The following GDAP1 variants were observed in gnomAD, a reference collection of about 807,000 sequenced individuals.
GDAP1 encodes ganglioside induced differentiation associated protein 1.
Under a neutral mutation model 40.1 loss-of-function variants are expected in GDAP1, and 34 were observed. The ratio of observed to expected loss-of-function variants is 0.85; its 90% CI spans 0.64 to 1.13. The LOEUF is 1.13. Ranked by LOEUF, GDAP1 falls within the 50% of genes most tolerant of loss-of-function variation. GDAP1 has a pLI of 0.00. For synonymous variants in GDAP1, 170 were observed against 157.4 expected (o/e 1.08, Z -0.60); for missense variants, 374 against 433.7 (o/e 0.86, Z 1.22).
At chr8:74,403,210 A>G (rs1805584467) in intron 2 of GDAP1, among the ~76,000 whole-genome samples, 1 of 150,184 alleles carries the variant, frequency 6.7e-6, no homozygotes, top group Non-Finnish European at 1.5e-5. Flanking sequence ...CTGGGTTTTT[A>G]AAAATGATAT....
chr8:74,438,894 G>C (rs1806125632), intron 2 of GDAP1, among the ~76,000 whole-genome samples: 2 of 152,130 alleles, frequency 1.3e-5, no homozygotes. Context: ...GAGCCACTGG[G>C]TGCAGTCTGA....
chr8:74,357,733 T>G (rs2131508467), intron 2 of GDAP1, among the ~76,000 whole-genome samples: 1 of 152,304 alleles, frequency 6.6e-6, no homozygotes, highest in East Asian at 1.9e-4. Context: ...GGACCTCCTC[T>G]CATTGCCTGC....
Position 74,364,124 on chromosome 8 carries a change from C to T in GDAP1, c.834C>T (p.Thr278=). 1 of 1,614,132 alleles carries T rather than the reference C, an allele frequency of 6.2e-7. No individual in the cohort carries two copies. ...WGNGKRPNLE[T]YYERVLKRKT... is the part of the protein sequence containing the mutation. The stretch of plus-strand genomic sequence containing the variant: ...ACGGAAAGCGACCAAACTTGGAAAC[C>T]TATTACGAGCGTGTCTTGAAGAGAA... Residue 278 remains threonine (T), a synonymous_variant, in exon 6 of 6, where the codon ACC becomes ACT. Coordinates refer to ENST00000220822, the MANE Select transcript of GDAP1 (RefSeq NM_018972.4).
In GDAP1 at chr8:74,469,738, G is replaced by A. The variant is rs548409450; in HGVS notation, c.166-18940G>A. On this transcript the variant is annotated intron_variant, in intron 2 of 2. Transcript: ENST00000523640. ...TGCTTGTAATCCCAGCACTTTGGGA[G>A]GCTGAGGTGGGCGGATCACCTGAGG... Among the ~76,000 whole-genome samples, 6 of 151,740 alleles carry A rather than the reference G, an allele frequency of 4.0e-5. No individual in the cohort carries two copies. In the East Asian group the frequency reaches 1.2e-3, roughly 30 times the overall value.
In GDAP1 at chr8:74,350,547, A is replaced by G. The variant is rs1563437000; in HGVS notation, c.86A>G (p.Tyr29Cys). Residue 29 changes from tyrosine to cysteine, a missense_variant, in exon 1 of 6, where the codon TAC (tyrosine) becomes TGC (cysteine). Coordinates refer to ENST00000220822, the MANE Select transcript of GDAP1 (RefSeq NM_018972.4). ...GACGCGGAGGTTAAGCTCATTCTGTACCATTGGACGCATTCCTTCAGCTCT... is the reference window on the plus strand; with the variant it reads ...GACGCGGAGGTTAAGCTCATTCTGTGCCATTGGACGCATTCCTTCAGCTCT... ...KADAEVKLIL[Y>C]HWTHSFSSQK... 6.2e-7 allele frequency: 1 copy of G among 1,610,816 alleles called. No homozygotes were observed. The highest frequency in any genetic ancestry group is 8.5e-7 in the Non-Finnish European group (1 of 1,177,004).
At chr8:74,403,625 T>C (rs2131550472) in intron 2 of GDAP1, among the ~76,000 whole-genome samples, 1 of 150,414 alleles carries the variant, frequency 6.6e-6, no homozygotes, top group South Asian at 2.1e-4. Flanking sequence ...TAAAAGTATA[T>C]GGATTATGGT....
intron 2 of GDAP1, chr8:74,376,563 G>C (rs12542469): frequency 6.6e-6 from 1 of 151,656 alleles, no homozygotes; most frequent in Non-Finnish European, 1.5e-5. Context: ...GTTAGCTAGG[G>C]TGGTCTCGAT....
At chr8:74,356,706 A>G (rs1236496015) in intron 2 of GDAP1, among the ~76,000 whole-genome samples, 15 of 67,194 alleles carry the variant, frequency 2.2e-4, no homozygotes, top group East Asian at 7.8e-4. Flanking sequence ...GTGTGTGTAT[A>G]TATATATATA....
At chr8:74,392,764 A>C (rs1810132593) in intron 2 of GDAP1, among the ~76,000 whole-genome samples, 1 of 152,228 alleles carries the variant, frequency 6.6e-6, no homozygotes, top group Admixed American at 6.5e-5. Context: ...CACAAATCTC[A>C]GTTTTCCCCA....
intron 2 of GDAP1, among the ~76,000 whole-genome samples, chr8:74,392,586 A>G (rs1363438706): frequency 6.6e-6 from 1 of 152,190 alleles, no homozygotes; most frequent in Non-Finnish European, 1.5e-5. Context: ...GAGAAGTAGT[A>G]ACCCGTTAAC....
At chr8:74,476,815 T>A (rs1806635338) in intron 2 of GDAP1, among the ~76,000 whole-genome samples, 1 of 152,230 alleles carries the variant, frequency 6.6e-6, no homozygotes, top group African/African-American at 2.4e-5. Flanking sequence ...TTTTCTGAAC[T>A]TGAATATTTG....
intron 2 of GDAP1, among the ~76,000 whole-genome samples, chr8:74,415,686 G>T (rs1805769076): frequency 6.7e-6 from 1 of 149,874 alleles, no homozygotes; most frequent in Non-Finnish European, 1.5e-5. Flanking sequence ...ATATGAGAGG[G>T]AGAAACATAG....
chr8:74,460,733 G>C (rs148933697), intron 2 of GDAP1, among the ~76,000 whole-genome samples: 101 of 152,258 alleles, frequency 6.6e-4, no homozygotes, highest in African/African-American at 2.4e-3. Flanking sequence ...AGGGTCCTAA[G>C]AAAAGGTTCT....
chr8:74,400,632 A>C (rs1249025217), intron 2 of GDAP1, among the ~76,000 whole-genome samples: 1 of 149,860 alleles, frequency 6.7e-6, no homozygotes, highest in Non-Finnish European at 1.5e-5. Flanking sequence ...TAGTTGATGC[A>C]GTTTCTTCCT....
chr8:74,362,869 C>G (rs1809442202), intron 4 of GDAP1, 70 bp from the exon 5 acceptor site: 1 of 606,974 alleles, frequency 1.6e-6, no homozygotes, highest in Non-Finnish European at 3.1e-6. Flanking sequence ...TTTGTATCTG[C>G]TTTACCTAGA....
chr8:74,435,601 T>G (rs1320741026), intron 2 of GDAP1, among the ~76,000 whole-genome samples: 1 of 152,240 alleles, frequency 6.6e-6, no homozygotes, highest in Non-Finnish European at 1.5e-5. Context: ...AGCAGAAGGA[T>G]TCTGAGTTTT....
intron 2 of GDAP1, among the ~76,000 whole-genome samples, chr8:74,474,696 A>T (rs1359853851): frequency 1.3e-5 from 2 of 152,148 alleles, no homozygotes; most frequent in Admixed American, 6.5e-5. Flanking sequence ...TCAGTTTGCT[A>T]GTATTATGTT....
intron 2 of GDAP1, among the ~76,000 whole-genome samples, chr8:74,482,533 G>GA (rs1034245695): frequency 4.0e-5 from 6 of 151,752 alleles, no homozygotes; most frequent in South Asian, 2.1e-4. Context: ...GTTAAAAAAT[G>GA]AAAAAAAATG....
chr8:74,468,250 T>C (rs186888131), intron 2 of GDAP1, among the ~76,000 whole-genome samples: 15 of 152,208 alleles, frequency 9.9e-5, no homozygotes, highest in Admixed American at 6.5e-4. Flanking sequence ...CACCTATATG[T>C]ATATTTTTCC....
Sources: allele counts gnomAD v4.1 joint callset (sites outside exome capture counted in the v4.1 genomes callset), GRCh38; gene constraint gnomAD v4.1.1; transcripts MANE v1.5; gene names NCBI Gene and HGNC (gene_info 2026-07-23, HGNC 2026-07-21).